Variants in LTBP1 observed in about 807,000 individuals in gnomAD.
LTBP1 encodes latent transforming growth factor beta binding protein 1.
In LTBP1, 129 loss-of-function variants were observed where a neutral mutation model predicts 207.6. The observed-to-expected ratio is 0.62, with a 90% CI of 0.54 to 0.72. The LOEUF is 0.72. Among genes scored for constraint, LTBP1 ranks in the 30% least tolerant of loss-of-function variants. The probability of loss-of-function intolerance (pLI) is 0.00; values close to 1 mark genes in which losing one functional copy is unlikely to be tolerated. For synonymous variants in LTBP1, 963 were observed against 833.7 expected (o/e 1.16, Z -2.67); for missense variants, 2,281 against 2,217.2 (o/e 1.03, Z -0.58).
chr2:33,241,054 G>A (rs779065705), intron 9 of LTBP1, among the ~76,000 whole-genome samples: 3 of 152,118 alleles, frequency 2.0e-5, no homozygotes, highest in Non-Finnish European at 4.4e-5. Context: ...GTGTATATAC[G>A]TTAAATATAG....
At chr2:32,953,069 A>T (rs887699523) in intron 2 of LTBP1, among the ~76,000 whole-genome samples, 2 of 152,232 alleles carry the variant, frequency 1.3e-5, no homozygotes, top group Non-Finnish European at 2.9e-5. Flanking sequence ...TCTCCTTAGA[A>T]AGAAACAGAA....
chr2:33,363,338 T>G, intron 28 of LTBP1, 52 bp from the exon 29 acceptor site: 1 of 1,592,466 alleles, frequency 6.3e-7, no homozygotes, highest in Non-Finnish European at 8.6e-7. Context: ...TCTTTTTAAT[T>G]GAAAGATCAA....
intron 3 of LTBP1, among the ~76,000 whole-genome samples, chr2:33,100,836 T>C (rs1283630863): frequency 6.6e-6 from 1 of 152,248 alleles, no homozygotes; most frequent in African/African-American, 2.4e-5. Flanking sequence ...CTTAGCATGA[T>C]GTTTTCAAGG....
intron 3 of LTBP1, among the ~76,000 whole-genome samples, chr2:33,082,261 C>T (rs2078453387): frequency 6.6e-6 from 1 of 152,060 alleles, no homozygotes; most frequent in Admixed American, 6.6e-5. Flanking sequence ...CACATGTCAG[C>T]CCCTTGATCT....
chr2:33,086,113 A>G (rs2078743038), intron 3 of LTBP1, among the ~76,000 whole-genome samples: 1 of 152,226 alleles, frequency 6.6e-6, no homozygotes, highest in South Asian at 2.1e-4. Flanking sequence ...CTGTATGTGT[A>G]TTCACCCACT....
intron 31 of LTBP1, among the ~76,000 whole-genome samples, chr2:33,378,946 G>T (rs947088092): frequency 1.5e-4 from 23 of 152,296 alleles, no homozygotes; most frequent in African/African-American, 5.1e-4. Flanking sequence ...TTACAAATCT[G>T]CAGGGAGCAG....
At chr2:33,153,742 A>G (rs990078213) in intron 5 of LTBP1, among the ~76,000 whole-genome samples, 2 of 152,216 alleles carry the variant, frequency 1.3e-5, no homozygotes, top group Non-Finnish European at 2.9e-5. Flanking sequence ...ATTTATCTAG[A>G]TTAACAGCAT....
intron 9 of LTBP1, among the ~76,000 whole-genome samples, chr2:33,228,725 G>T (rs1342983175): frequency 2.9e-5 from 1 of 34,254 alleles, no homozygotes; most frequent in East Asian, 5.0e-4. Flanking sequence ...TTTTGAGATG[G>T]AGTCTTACTC....
At chr2:33,151,140 A>G (rs554549807) in intron 5 of LTBP1, among the ~76,000 whole-genome samples, 1 of 152,302 alleles carries the variant, frequency 6.6e-6, no homozygotes, top group South Asian at 2.1e-4. Context: ...TTGTTTATGC[A>G]TTCATCTGTC....
intron 7 of LTBP1, among the ~76,000 whole-genome samples, chr2:33,201,949 T>A (rs2089333157): frequency 6.6e-6 from 1 of 151,146 alleles, no homozygotes; most frequent in South Asian, 2.1e-4. Context: ...GAGAACAAGA[T>A]TATCTAATTG....
chr2:33,044,303 C>A (rs199863253), intron 3 of LTBP1, among the ~76,000 whole-genome samples: 1 of 151,414 alleles, frequency 6.6e-6, no homozygotes, highest in African/African-American at 2.4e-5. Context: ...TGTGATGTTC[C>A]CCTCCCTGTG....
chr2:33,082,453 T>A (rs914715716), intron 3 of LTBP1, among the ~76,000 whole-genome samples: 14 of 138,174 alleles, frequency 1.0e-4, no homozygotes, highest in Middle Eastern at 3.5e-3. Flanking sequence ...TTTTTTTTTT[T>A]TTTTTTTTTT....
rs574199270 is a variant in LTBP1, at chr2:33,231,373, C to T, written c.1876+9222C>T. On this transcript the variant is annotated intron_variant, in intron 9 of 33. Coordinates refer to ENST00000404816, the MANE Select transcript of LTBP1 (RefSeq NM_206943.4). ...CTAGGCTCCTTTTAGATAAAAAGTTCCTCGGAGTGCATCTGAAATCACATT... is the reference window on the plus strand; with the variant it reads ...CTAGGCTCCTTTTAGATAAAAAGTTTCTCGGAGTGCATCTGAAATCACATT... Among the ~76,000 whole-genome samples the T allele has an allele frequency of 8.5e-5, 13 of 152,190 alleles. No homozygotes were observed. In the South Asian group the frequency reaches 2.7e-3, roughly 32 times the overall value.
At chr2:33,166,799 A>T (rs1415012106) in intron 5 of LTBP1, among the ~76,000 whole-genome samples, 1 of 152,338 alleles carries the variant, frequency 6.6e-6, no homozygotes, top group Admixed American at 6.5e-5. Flanking sequence ...GGAAGGAGAC[A>T]TGTTGGCTCA....
intron 2 of LTBP1, among the ~76,000 whole-genome samples, chr2:32,995,019 A>G (rs1442209573): frequency 1.3e-5 from 2 of 152,102 alleles, no homozygotes; most frequent in African/African-American, 4.8e-5. Flanking sequence ...GAGAAACCCC[A>G]TCTTTTAAAA....
chr2:33,248,623 G>C (rs2092582891), intron 10 of LTBP1, among the ~76,000 whole-genome samples: 1 of 144,620 alleles, frequency 6.9e-6, no homozygotes, highest in Non-Finnish European at 1.5e-5. Context: ...GTCTTGATCT[G>C]CTGCCCAGGC....
At chr2:33,193,287 G>T (rs2088124532) in intron 7 of LTBP1, among the ~76,000 whole-genome samples, 1 of 152,052 alleles carries the variant, frequency 6.6e-6, no homozygotes. Context: ...AATTACAGGT[G>T]TGCACCACCA....
rs11450471 is a variant in LTBP1 at position 33,311,535 on chromosome 2, G to GAAA, written c.3604+1992_3604+1994dup. Among the ~76,000 whole-genome samples, 932 of 138,342 alleles carry GAAA rather than the reference G, an allele frequency of 6.7e-3. 14 individuals carry two copies. The highest frequency in any genetic ancestry group is 0.023 in the African/African-American group (875 of 37,870). The allele number at this position is 138,342 out of a possible 152,430, so 90.8% of individuals were successfully genotyped here. A position where few individuals can be genotyped will look rare whatever the true frequency, so the allele number is the denominator to read the frequency against. ...ATTTATATAAAAATACCAAGAGATG[G>GAAA]AAAAAAAAAAAAAAAGGAAACCAAA... On this transcript the variant is annotated intron_variant, in intron 23 of 33. Coordinates refer to ENST00000404816, the MANE Select transcript of LTBP1 (RefSeq NM_206943.4).
chr2:33,322,202 G>A (rs2094365646), intron 24 of LTBP1, among the ~76,000 whole-genome samples: 1 of 151,962 alleles, frequency 6.6e-6, no homozygotes, highest in African/African-American at 2.4e-5. Flanking sequence ...GTTCATAGAA[G>A]GAGAAGTAAA....
Sources: allele counts gnomAD v4.1 joint callset (sites outside exome capture counted in the v4.1 genomes callset), GRCh38; gene constraint gnomAD v4.1.1; transcripts MANE v1.5; gene names NCBI Gene and HGNC (gene_info 2026-07-23, HGNC 2026-07-21).